SPAG16: variants seen among roughly 807,000 people sequenced by gnomAD.
The protein encoded by SPAG16 is sperm-associated antigen 16 protein.
A neutral mutation model predicts 80.4 loss-of-function variants in SPAG16; 86 were observed. The observed-to-expected ratio is 1.07, with a 90% CI of 0.90 to 1.28. The LOEUF (loss-of-function observed/expected upper bound fraction) is 1.28. SPAG16 is among the 50% of genes most tolerant of loss of function. The pLI is 0.00. For missense variants in SPAG16, 870 were observed against 765.3 expected, an observed-to-expected ratio of 1.14 and a Z score of -1.61; for synonymous variants, 294 against 265.9, an observed-to-expected ratio of 1.11 and a Z score of -1.03.
chr2:213,992,656 CG>C (rs2046341612), intron 12 of SPAG16, among the ~76,000 whole-genome samples: 1 of 151,584 alleles, frequency 6.6e-6, no homozygotes, highest in Non-Finnish European at 1.5e-5. Flanking sequence ...AGACTAGTAC[CG>C]AATAATAGGT....
chr2:213,367,432 A>G (rs2066367692), intron 8 of SPAG16, among the ~76,000 whole-genome samples: 1 of 152,264 alleles, frequency 6.6e-6, no homozygotes, highest in African/African-American at 2.4e-5. Context: ...CTATTTCTCC[A>G]CATCCTCTCC....
intron 12 of SPAG16, among the ~76,000 whole-genome samples, chr2:213,970,543 C>T (rs758846282): frequency 6.6e-6 from 1 of 152,146 alleles, no homozygotes; most frequent in Non-Finnish European, 1.5e-5. Context: ...CACAAGCAAT[C>T]TGCCCAATTT....
rs748996835 is a variant in SPAG16 at position 213,716,309 on chromosome 2, A to T, written c.1071-146176A>T. The stretch of plus-strand genomic sequence containing the variant: ...ACAGCTCCATCACAGCATAGCTTGA[A>T]ATGTTAAACAGCTGATGTACAAAAT... On this transcript the variant is annotated intron_variant, in intron 10 of 15. Transcript: ENST00000331683. 2.6e-5 allele frequency among the ~76,000 whole-genome samples: 4 copies of T among 152,184 alleles called. No homozygotes were observed. In the South Asian group the frequency reaches 6.2e-4, roughly 24 times the overall value.
At chr2:213,694,080 A>C (rs1296459204) in intron 10 of SPAG16, among the ~76,000 whole-genome samples, 1 of 152,048 alleles carries the variant, frequency 6.6e-6, no homozygotes, top group South Asian at 2.1e-4. Context: ...GAGAAAGAAG[A>C]AGCGAAGAAA....
At chr2:213,802,720 A>G (rs1410159084) in intron 10 of SPAG16, among the ~76,000 whole-genome samples, 1 of 152,212 alleles carries the variant, frequency 6.6e-6, no homozygotes, top group Non-Finnish European at 1.5e-5. Context: ...GAAGAATAAA[A>G]TATATAAACT....
intron 10 of SPAG16, among the ~76,000 whole-genome samples, chr2:213,806,068 G>C (rs2071749552): frequency 6.6e-6 from 1 of 152,154 alleles, no homozygotes; most frequent in South Asian, 2.1e-4. Flanking sequence ...CTTGATTGCT[G>C]ATATAAAATT....
chr2:214,286,176 C>T (rs1047572541), intron 15 of SPAG16, among the ~76,000 whole-genome samples: 16 of 151,946 alleles, frequency 1.1e-4, no homozygotes, highest in African/African-American at 3.4e-4. Flanking sequence ...CTGTGGTGAA[C>T]GGAGTAAGGG....
At chr2:213,710,249 G>T (rs1210948713) in intron 10 of SPAG16, among the ~76,000 whole-genome samples, 1 of 151,020 alleles carries the variant, frequency 6.6e-6, no homozygotes, top group Non-Finnish European at 1.5e-5. Flanking sequence ...GCACCACTGC[G>T]CTCCAGCCTG....
chr2:213,677,444 C>CA (rs964466642), intron 10 of SPAG16, among the ~76,000 whole-genome samples: 12 of 151,220 alleles, frequency 7.9e-5, no homozygotes, highest in African/African-American at 2.4e-4. Context: ...AAATGGAAAA[C>CA]AAAAAAAGGC....
intron 10 of SPAG16, among the ~76,000 whole-genome samples, chr2:213,685,678 G>A (rs192561065): frequency 5.6e-4 from 86 of 152,302 alleles, no homozygotes; most frequent in African/African-American, 2.0e-3. Context: ...CAAGACAATA[G>A]GTCCTGAAGG....
intron 10 of SPAG16, among the ~76,000 whole-genome samples, chr2:213,549,726 C>T (rs1210514684): frequency 1.3e-5 from 2 of 152,146 alleles, no homozygotes; most frequent in African/African-American, 4.8e-5. Context: ...GTTTGAAGTA[C>T]TCATATCTCA....
intron 13 of SPAG16, among the ~76,000 whole-genome samples, chr2:214,083,611 T>C (rs956945591): frequency 6.6e-6 from 1 of 152,192 alleles, no homozygotes; most frequent in African/African-American, 2.4e-5. Context: ...TTAACTTCCA[T>C]TCATTCTGCT....
chr2:213,920,657 G>T (rs1430356819), intron 11 of SPAG16, among the ~76,000 whole-genome samples: 1 of 152,174 alleles, frequency 6.6e-6, no homozygotes, highest in Non-Finnish European at 1.5e-5. Context: ...GGCCAGGCTG[G>T]GGCCCTGGAA....
At chr2:213,973,132 A>G (rs572267040) in intron 12 of SPAG16, among the ~76,000 whole-genome samples, 10 of 152,296 alleles carry the variant, frequency 6.6e-5, no homozygotes, top group African/African-American at 1.9e-4. Flanking sequence ...CAATGATGAA[A>G]GCTTAAGGTT....
At chr2:213,931,678 C>A (rs778243359) in intron 12 of SPAG16, among the ~76,000 whole-genome samples, 18 of 152,144 alleles carry the variant, frequency 1.2e-4, no homozygotes, top group Non-Finnish European at 1.2e-4. Flanking sequence ...AACACTTTGA[C>A]TTGACAACTT....
At chr2:214,144,452 ATTAT>A (rs2055529781) in intron 14 of SPAG16, among the ~76,000 whole-genome samples, 1 of 152,094 alleles carries the variant, frequency 6.6e-6, no homozygotes, top group African/African-American at 2.4e-5. Flanking sequence ...TGGCTTTATA[ATTAT>A]TTATCTAAGA....
At chr2:213,708,737 G>A (rs2065859936) in intron 10 of SPAG16, among the ~76,000 whole-genome samples, 1 of 152,154 alleles carries the variant, frequency 6.6e-6, no homozygotes, top group Non-Finnish European at 1.5e-5. Flanking sequence ...AGTGAGCCGA[G>A]ACCATGCCAT....
At chr2:213,705,807 GTT>G (rs2065726022) in intron 10 of SPAG16, among the ~76,000 whole-genome samples, 1 of 151,984 alleles carries the variant, frequency 6.6e-6, no homozygotes, top group African/African-American at 2.4e-5. Flanking sequence ...TGTTGTTGTT[GTT>G]GTTGTTAAGT....
chr2:213,487,304 T>A (rs940323581), intron 9 of SPAG16, among the ~76,000 whole-genome samples: 1 of 152,128 alleles, frequency 6.6e-6, no homozygotes, highest in African/African-American at 2.4e-5. Context: ...AGCACACTGC[T>A]GAGAGCTTAG....
Sources: gnomAD v4.1 joint callset for allele counts (sites outside exome capture counted in the v4.1 genomes callset) on GRCh38, gnomAD v4.1.1 for gene constraint, MANE v1.5 for transcripts, NCBI Gene and HGNC (gene_info 2026-07-23, HGNC 2026-07-21) for gene names.